Variants in OR4N2 observed in about 807,000 individuals in gnomAD.
OR4N2 encodes olfactory receptor family 4 subfamily N member 2, also known as olfactory receptor 4N2.
For missense variants in OR4N2, 307 were observed against 377.6 expected (o/e 0.81, Z 1.55); for synonymous variants, 141 against 140.4 (o/e 1.00, Z -0.03).
At chr14:19,813,232 T>A (rs1594395612) in intron 1 of OR4N2, among the ~76,000 whole-genome samples, 1 of 152,362 alleles carries the variant, frequency 6.6e-6, no homozygotes, top group East Asian at 1.9e-4. Flanking sequence ...TCTAACCTCA[T>A]GTATTTTGCT....
In OR4N2 at chr14:19,828,233, T is replaced by C. The variant is rs1396956215; in HGVS notation, c.785T>C (p.Phe262Ser). 2 of 1,614,278 alleles carry C rather than the reference T, an allele frequency of 1.2e-6. No homozygotes were observed. Among genetic ancestry groups the C allele is most frequent in the South Asian group, 2.2e-5 (2 of 91,088 alleles). The part of the protein sequence containing the change: ...GPGIFIYTRP[F>S]RAFPADKVVS... The stretch of plus-strand genomic sequence containing the variant: ...GGCATCTTCATCTACACGCGCCCCT[T>C]CAGGGCTTTCCCAGCTGACAAGGTG... Residue 262 changes from phenylalanine (F) to serine (S), a missense_variant, in exon 2 of 2, where the codon TTC becomes TCC. Transcript: ENST00000557677.
rs200379051 is a variant in OR4N2 at position 19,823,309 on chromosome 14, TA to T, written c.-9-4123del. 4.1e-4 allele frequency among the ~76,000 whole-genome samples: 63 copies of T among 152,142 alleles called. No individual in the cohort carries two copies. The Middle Eastern group carries it at 0.01, about 25-fold the overall frequency. On this transcript the variant is annotated intron_variant, in intron 1 of 1. Transcript: ENST00000557677. ...ACTAATGAAATTAACTTCTTTTTTT[TA>T]AAAAAAAGGTGAATCATCTCATTTT...
chr14:19,807,529 C>T (rs1026618656), intron 1 of OR4N2, among the ~76,000 whole-genome samples: 32 of 151,942 alleles, frequency 2.1e-4, no homozygotes, highest in African/African-American at 7.5e-4. Flanking sequence ...AGATTGAATC[C>T]CTGGAAGAGA....
At position 19,828,331 on chromosome 14, in the gene OR4N2, A is replaced by G. The variant is rs768379819; in HGVS notation, c.883A>G (p.Lys295Glu). ...TTATACCCTTCGCAACCAGGAAGTGAAAGCTTCCATGAAAAAGGTGTTTAA... is the reference window on the plus strand; with the variant it reads ...TTATACCCTTCGCAACCAGGAAGTGGAAGCTTCCATGAAAAAGGTGTTTAA... ...VIYTLRNQEV[K>E]ASMKKVFNKH... Residue 295 changes from lysine (K) to glutamate (E), a missense_variant, in exon 2 of 2, where the codon AAA becomes GAA. Transcript: ENST00000557677. The G allele has an allele frequency of 1.2e-5, 20 of 1,613,954 alleles. No individual in the cohort carries two copies. The highest frequency in any genetic ancestry group is 3.3e-5 in the South Asian group (3 of 91,080).
chr14:19,821,118 T>G (rs1483522030), intron 1 of OR4N2, among the ~76,000 whole-genome samples: 2 of 152,280 alleles, frequency 1.3e-5, no homozygotes, highest in African/African-American at 4.8e-5. Context: ...AAAAGCCTAG[T>G]ATCTGAATCA....
chr14:19,827,350 GC>G, intron 1 of OR4N2, 89 bp from the exon 2 acceptor site: 1 of 1,167,278 alleles, frequency 8.6e-7, no homozygotes, highest in South Asian at 1.6e-5. Context: ...CTGAAGTACT[GC>G]ATGTGCCAAA....
intron 1 of OR4N2, among the ~76,000 whole-genome samples, chr14:19,811,542 G>A (rs1274044607): frequency 2.6e-5 from 4 of 152,212 alleles, no homozygotes; most frequent in African/African-American, 9.6e-5. Context: ...CACCCTGCCT[G>A]GCTACACATA....
intron 1 of OR4N2, among the ~76,000 whole-genome samples, chr14:19,817,272 G>C (rs1326059841): frequency 6.6e-6 from 1 of 152,220 alleles, no homozygotes; most frequent in Non-Finnish European, 1.5e-5. Flanking sequence ...AATGGTACCA[G>C]CTCCTCTTTG....
chr14:19,804,128 T>A (rs533684875), intron 1 of OR4N2, among the ~76,000 whole-genome samples: 2 of 152,224 alleles, frequency 1.3e-5, no homozygotes, highest in Non-Finnish European at 2.9e-5. Flanking sequence ...ATCAATCTGA[T>A]GTGTTATTCT....
intron 1 of OR4N2, among the ~76,000 whole-genome samples, chr14:19,820,928 G>A (rs1890219060): frequency 6.6e-6 from 1 of 152,234 alleles, no homozygotes; most frequent in Non-Finnish European, 1.5e-5. Context: ...CCCATTTCCA[G>A]GGGAGTGAAT....
chr14:19,811,191 A>C (rs904019437), intron 1 of OR4N2, among the ~76,000 whole-genome samples: 2 of 152,268 alleles, frequency 1.3e-5, no homozygotes, highest in Non-Finnish European at 2.9e-5. Flanking sequence ...TTGCATTGCA[A>C]GGATTTTGCA....
rs528487526 is a variant in OR4N2, at chr14:19,808,735, A to G, written c.-10+4891A>G. 2.6e-3 allele frequency among the ~76,000 whole-genome samples: 396 copies of G among 152,292 alleles called. 1 individual carries two copies. Among genetic ancestry groups the G allele is most frequent in the African/African-American group, 9.3e-3 (388 of 41,544 alleles). On this transcript the variant is annotated intron_variant, in intron 1 of 1. Coordinates refer to ENST00000557677, the MANE Select transcript of OR4N2 (RefSeq NM_001004723.3). ...TAGAAAAAAGATCTAAAATTCATACAGAGCCAAAAAAGCCTGAATAGTCAA... is the reference window on the plus strand; with the variant it reads ...TAGAAAAAAGATCTAAAATTCATACGGAGCCAAAAAAGCCTGAATAGTCAA...
chr14:19,814,388 A>T (rs1403210625), intron 1 of OR4N2, among the ~76,000 whole-genome samples: 1 of 152,222 alleles, frequency 6.6e-6, no homozygotes, highest in Non-Finnish European at 1.5e-5. Flanking sequence ...ATAATTATGC[A>T]ACAGTATTCA....
intron 1 of OR4N2, among the ~76,000 whole-genome samples, chr14:19,809,157 A>G (rs1418567244): frequency 6.6e-6 from 1 of 152,178 alleles, no homozygotes; most frequent in East Asian, 1.9e-4. Flanking sequence ...AGATACAAAA[A>G]AAAAAAATGA....
At chr14:19,810,546 C>T (rs1326121573) in intron 1 of OR4N2, among the ~76,000 whole-genome samples, 1 of 152,162 alleles carries the variant, frequency 6.6e-6, no homozygotes, top group Non-Finnish European at 1.5e-5. Flanking sequence ...CACATATGTT[C>T]AACACAGTAC....
chr14:19,808,889 C>A (rs1402036040), intron 1 of OR4N2, among the ~76,000 whole-genome samples: 1 of 151,686 alleles, frequency 6.6e-6, no homozygotes, highest in Non-Finnish European at 1.5e-5. Flanking sequence ...GCCACTGTAA[C>A]CAAAACAGCA....
intron 1 of OR4N2, among the ~76,000 whole-genome samples, chr14:19,825,977 C>A (rs1879688280): frequency 6.6e-6 from 1 of 152,288 alleles, no homozygotes; most frequent in Middle Eastern, 3.4e-3. Flanking sequence ...AAAATCTATT[C>A]CCCTAAGACA....
intron 1 of OR4N2, chr14:19,821,823 A>G (rs1390651076): frequency 6.6e-6 from 1 of 152,252 alleles, no homozygotes; most frequent in African/African-American, 2.4e-5. Flanking sequence ...TGGTAGTCTC[A>G]AATCTCAAAA....
Position 19,810,152 on chromosome 14 carries a change from C to CA in OR4N2, c.-10+6314dup, listed in dbSNP as rs570225934. ...TCTACAAGGAACTTAAATTATCGAG[C>CA]AAAAAACAATCTCTTTAAAAATTGG... On this transcript the variant is annotated intron_variant, in intron 1 of 1. Transcript: ENST00000557677. Among the ~76,000 whole-genome samples the CA allele has an allele frequency of 8.5e-5, 13 of 152,166 alleles. No homozygotes were observed. In the East Asian group the frequency reaches 1.2e-3, roughly 14 times the overall value.
Sources: gnomAD v4.1 joint callset for allele counts (sites outside exome capture counted in the v4.1 genomes callset) on GRCh38, gnomAD v4.1.1 for gene constraint, MANE v1.5 for transcripts, NCBI Gene and HGNC (gene_info 2026-07-23, HGNC 2026-07-21) for gene names.